The following CRISPLD2 variants were observed in gnomAD, a reference collection of about 807,000 sequenced individuals.
CRISPLD2 encodes the protein cysteine rich secretory protein LCCL domain containing 2, also known as cysteine-rich secretory protein LCCL domain-containing 2.
CRISPLD2 carries 47 observed loss-of-function variants against 71.1 expected under a neutral mutation model. That is an observed-to-expected ratio of 0.66 (90% CI 0.52 to 0.84). CRISPLD2 has a LOEUF of 0.84. Among genes scored for constraint, CRISPLD2 ranks in the 40% least tolerant of loss-of-function variants. CRISPLD2 has a pLI of 0.00. For missense variants in CRISPLD2, 830 were observed against 651.1 expected (o/e 1.27, Z -2.99); for synonymous variants, 317 against 250.1 (o/e 1.27, Z -2.52).
At chr16:84,881,050 C>A (rs9939437) in intron 13 of CRISPLD2, among the ~76,000 whole-genome samples, 3,192 of 152,188 alleles carry the variant, frequency 0.021, 111 homozygotes, top group African/African-American at 0.074. Flanking sequence ...AAACATTTTC[C>A]CCATTTCCCC....
Position 84,903,430 on chromosome 16 carries a change from A to G in CRISPLD2, c.1440-3158A>G, listed in dbSNP as rs566810253. Among the ~76,000 whole-genome samples, 27 of 152,192 alleles carry G rather than the reference A, an allele frequency of 1.8e-4. No homozygotes were observed. In the South Asian group the frequency reaches 5.4e-3, roughly 30 times the overall value. Reference sequence around the variant, plus strand: ...AATATGGTGACACCCCATCTCTACAAAAAATACAAAAATTAGCTGGGTGTG... The same window carrying G: ...AATATGGTGACACCCCATCTCTACAGAAAATACAAAAATTAGCTGGGTGTG... On this transcript the variant is annotated intron_variant, in intron 14 of 14. Coordinates refer to ENST00000262424, the MANE Select transcript of CRISPLD2 (RefSeq NM_031476.4).
In CRISPLD2 at chr16:84,845,903, A is replaced by C. The variant is rs1040803482; in HGVS notation, c.358A>C (p.Arg120=). 18 of 1,603,644 alleles carry C rather than the reference A, an allele frequency of 1.1e-5. No homozygotes were observed. The highest frequency in any genetic ancestry group is 1.5e-5 in the Non-Finnish European group (18 of 1,171,068). ...IGQNLGAHWG[R]YRSPGFHVQS... is the part of the protein sequence containing the mutation. ...GCAGAACCTGGGCGCTCACTGGGGC[A>C]GGTAAGAGCCACAAGTTCCTCTCCG... Residue 120 remains arginine, a splice_region_variant and synonymous_variant, in exon 3 of 15, where the codon AGG becomes CGG. Transcript: ENST00000262424.
At chr16:84,857,416 C>T (rs1375795385) in intron 6 of CRISPLD2, among the ~76,000 whole-genome samples, 2 of 152,216 alleles carry the variant, frequency 1.3e-5, no homozygotes, top group African/African-American at 4.8e-5. Flanking sequence ...CCATCCACAT[C>T]CCTCTTTCCC....
At chr16:84,870,321 GT>G (rs1017987723) in intron 8 of CRISPLD2, among the ~76,000 whole-genome samples, 574 of 145,750 alleles carry the variant, frequency 3.9e-3, no homozygotes, top group South Asian at 6.6e-3. Flanking sequence ...CATGTATTTT[GT>G]TTTTTTTTTT....
At chr16:84,877,821 G>C (rs973520856) in intron 12 of CRISPLD2, among the ~76,000 whole-genome samples, 1 of 152,110 alleles carries the variant, frequency 6.6e-6, no homozygotes, top group African/African-American at 2.4e-5. Context: ...TTGTCCTCCA[G>C]CCTGGGTGAC....
At chr16:84,844,616 G>C (rs1285583524) in intron 2 of CRISPLD2, among the ~76,000 whole-genome samples, 2 of 152,068 alleles carry the variant, frequency 1.3e-5, no homozygotes, top group Non-Finnish European at 2.9e-5. Context: ...GCCCGCCTCA[G>C]CCTCGCAAAG....
chr16:84,850,580 A>G lies in CRISPLD2; in HGVS notation c.505A>G (p.Thr169Ala), dbSNP rs1476948268. 10 of 1,614,144 alleles carry G rather than the reference A, an allele frequency of 6.2e-6. 1 individual carries two copies. The South Asian group carries it at 1.1e-4, about 18-fold the overall frequency. The change falls in exon 5 of 15, where the codon ACC (threonine) becomes GCC (alanine). Residue 169 changes from threonine (T) to alanine (A), a missense_variant. Thr to Ala is a moderately conservative substitution (Grantham distance 58). Transcript: ENST00000262424. ...GTCATCTTTTCAGATAGTTTGGGCC[A>G]CCACCAACAAGATCGGTTGTGCTGT... ...CTHYTQIVWA[T>A]TNKIGCAVNT...
chr16:84,880,346 C>T (rs926893964), intron 12 of CRISPLD2, among the ~76,000 whole-genome samples, 163 bp from the exon 13 acceptor site: 1 of 152,086 alleles, frequency 6.6e-6, no homozygotes, highest in South Asian at 2.1e-4. Context: ...TTTACCTCTG[C>T]TGAGGGGGGA....
chr16:84,849,165 C>T (rs1055504414), intron 3 of CRISPLD2: 13 of 537,548 alleles, frequency 2.4e-5, no homozygotes, highest in Non-Finnish European at 3.7e-5. Context: ...TCCCCCACCT[C>T]GGCCTCCCTC....
In CRISPLD2 at chr16:84,889,282, G is replaced by A; in HGVS notation, c.1358G>A (p.Ser453Asn). The A allele has an allele frequency of 6.2e-7, 1 of 1,614,158 alleles. No individual in the cohort carries two copies. Among genetic ancestry groups the A allele is most frequent in the Non-Finnish European group, 8.5e-7 (1 of 1,180,030 alleles). Residue 453 changes from serine to asparagine, a missense_variant, in exon 14 of 15, where the codon AGT (serine) becomes AAT (asparagine). Physicochemically the swap from Ser to Asn is conservative, Grantham distance 46. Transcript: ENST00000262424. Reference sequence around the variant, plus strand: ...CACGCGGGAGTCATCAGCAACGAGAGTGGGGGTGACGTGGACGTGATGCCC... The same window carrying A: ...CACGCGGGAGTCATCAGCAACGAGAATGGGGGTGACGTGGACGTGATGCCC... ...AVHAGVISNE[S>N]GGDVDVMPVD...
rs1433121376 is a variant in CRISPLD2 at position 84,873,121 on chromosome 16, A to G, written c.1111A>G (p.Ser371Gly). ...KSERHGVQSL[S>G]KYKPSSSFMV... is the part of the protein sequence containing the mutation. Reference sequence around the variant, plus strand: ...TGAGAGACACGGCGTGCAGTCCCTCAGGTAACTACTCTGTGATCGGGGCTC... The same window carrying G: ...TGAGAGACACGGCGTGCAGTCCCTCGGGTAACTACTCTGTGATCGGGGCTC... The change falls in exon 10 of 15, where the codon AGC becomes GGC. Residue 371 changes from serine to glycine, a missense_variant and splice_region_variant. Coordinates refer to ENST00000262424, the MANE Select transcript of CRISPLD2 (RefSeq NM_031476.4). 7 of 1,611,740 alleles carry G rather than the reference A, an allele frequency of 4.3e-6. No individual in the cohort carries two copies. The highest frequency in any genetic ancestry group is 2.2e-5 in the East Asian group (1 of 44,770).
At chr16:84,822,918 T>A (rs1916263523) in intron 1 of CRISPLD2, among the ~76,000 whole-genome samples, 1 of 152,210 alleles carries the variant, frequency 6.6e-6, no homozygotes, top group South Asian at 2.1e-4. Flanking sequence ...AGTGTACAAT[T>A]CAGTGGCGTT....
rs1448712838 is a variant in CRISPLD2 at position 84,820,894 on chromosome 16, G to A, written c.-75+761G>A. 3.3e-5 allele frequency among the ~76,000 whole-genome samples: 5 copies of A among 152,060 alleles called. No homozygotes were observed. In the East Asian group the frequency reaches 5.8e-4, roughly 18 times the overall value. On this transcript the variant is annotated intron_variant, in intron 1 of 14. Transcript: ENST00000262424. ...CTCTGGAGTGTGGGGGAGATCGGTC[G>A]TCCCACGTGGACAGAGCCAGGGCTA...
At chr16:84,866,641 A>G (rs1391877867) in intron 6 of CRISPLD2, among the ~76,000 whole-genome samples, 1 of 152,112 alleles carries the variant, frequency 6.6e-6, no homozygotes, top group African/African-American at 2.4e-5. Flanking sequence ...GGGGCCTGCT[A>G]ACCTCTGGGC....
In CRISPLD2 at chr16:84,873,914, A is replaced by C; in HGVS notation, c.1113-6A>C. The C allele has an allele frequency of 3.5e-6, 5 of 1,441,926 alleles. No homozygotes were observed. The highest frequency in any genetic ancestry group is 4.6e-6 in the Non-Finnish European group (5 of 1,085,042). 89.3% of individuals were successfully genotyped at this position (1,441,926 alleles called of 1,614,324 possible). Reference sequence around the variant, plus strand: ...GCCCGTTTTTTTTTTTTTTTTTTTTAAACAGCAAATACAAACCTTCCAGCT... The same window carrying C: ...GCCCGTTTTTTTTTTTTTTTTTTTTCAACAGCAAATACAAACCTTCCAGCT... On this transcript the variant is annotated splice_region_variant and splice_polypyrimidine_tract_variant and intron_variant, in intron 10 of 14. Coordinates refer to ENST00000262424, the MANE Select transcript of CRISPLD2 (RefSeq NM_031476.4).
chr16:84,860,943 C>G (rs1917362794), intron 6 of CRISPLD2, among the ~76,000 whole-genome samples: 1 of 152,200 alleles, frequency 6.6e-6, no homozygotes, highest in African/African-American at 2.4e-5. Context: ...TCCCTGAGTT[C>G]ATCATTTTCT....
At chr16:84,864,983 A>T (rs115054382) in intron 6 of CRISPLD2, among the ~76,000 whole-genome samples, 1 of 152,168 alleles carries the variant, frequency 6.6e-6, no homozygotes, top group Non-Finnish European at 1.5e-5. Context: ...TGAAGCAGCT[A>T]TGGAGAACCC....
At chr16:84,885,328 T>A (rs140550581) in intron 13 of CRISPLD2, among the ~76,000 whole-genome samples, 211 of 152,362 alleles carry the variant, frequency 1.4e-3, no homozygotes, top group Non-Finnish European at 2.5e-3. Context: ...CTCGCTTCTC[T>A]TTGAGATGGA....
intron 2 of CRISPLD2, 31 bp from the exon 3 acceptor site, chr16:84,845,755 C>A: frequency 1.3e-6 from 2 of 1,491,052 alleles, no homozygotes; most frequent in Non-Finnish European, 1.9e-6. Flanking sequence ...TCACCCTCAC[C>A]TCCTGGTGCC....
Sources: allele counts gnomAD v4.1 joint callset (sites outside exome capture counted in the v4.1 genomes callset), GRCh38; gene constraint gnomAD v4.1.1; transcripts MANE v1.5; gene names NCBI Gene and HGNC (gene_info 2026-07-23, HGNC 2026-07-21).